GALNT1: variants seen among roughly 807,000 people sequenced by gnomAD.
GALNT1 encodes polypeptide N-acetylgalactosaminyltransferase 1, also known as GalNAc transferase 1.
GALNT1 carries 17 observed loss-of-function variants against 65.7 expected under a neutral mutation model. The observed-to-expected ratio is 0.26, with a 90% CI of 0.18 to 0.39. The LOEUF (loss-of-function observed/expected upper bound fraction) is 0.39, where lower values mean the gene tolerates loss of function less well. Ranked by LOEUF, GALNT1 falls within the 10% of genes least tolerant of loss-of-function variation. The pLI, the probability that GALNT1 is intolerant of heterozygous loss-of-function variation, is 1.00. For synonymous variants in GALNT1, 210 were observed against 219.7 expected (o/e 0.96, Z 0.39); for missense variants, 460 against 672.8 (o/e 0.68, Z 3.50).
At chr18:35,689,842 T>C (rs999627319) in intron 7 of GALNT1, among the ~76,000 whole-genome samples, 3 of 152,236 alleles carry the variant, frequency 2.0e-5, no homozygotes, top group African/African-American at 7.2e-5. Context: ...TTAAATGGCA[T>C]TGCATATTTT....
At chr18:35,652,217 G>A (rs1420167174) in intron 1 of GALNT1, among the ~76,000 whole-genome samples, 1 of 152,096 alleles carries the variant, frequency 6.6e-6, no homozygotes, top group African/African-American at 2.4e-5. Context: ...ATTCCCTTGC[G>A]GGGAACAGTA....
rs188343782 is a variant in GALNT1 at position 35,630,023 on chromosome 18, C to T, written c.-103-24537C>T. ...AAGAGCTATCTTAAATATATATGCACCCAATACAGGAGCAGCCAGATTCAT... is the reference window on the plus strand; with the variant it reads ...AAGAGCTATCTTAAATATATATGCATCCAATACAGGAGCAGCCAGATTCAT... On this transcript the variant is annotated intron_variant, in intron 1 of 11. Transcript: ENST00000269195. Among the ~76,000 whole-genome samples, 218 of 152,290 alleles carry T rather than the reference C, an allele frequency of 1.4e-3. 1 individual carries two copies. The highest frequency in any genetic ancestry group is 5.1e-3 in the African/African-American group (214 of 41,554).
At chr18:35,688,285 AC>A (rs2047900390) in intron 6 of GALNT1, among the ~76,000 whole-genome samples, 1 of 152,058 alleles carries the variant, frequency 6.6e-6, no homozygotes, top group South Asian at 2.1e-4. Flanking sequence ...ATAAGTCCAA[AC>A]CTTTTTTGGA....
At chr18:35,666,651 G>A (rs1228123991) in intron 3 of GALNT1, among the ~76,000 whole-genome samples, 1 of 152,068 alleles carries the variant, frequency 6.6e-6, no homozygotes, top group Non-Finnish European at 1.5e-5. Flanking sequence ...TTTTATTAAT[G>A]AGTGCCTTTT....
intron 3 of GALNT1, among the ~76,000 whole-genome samples, chr18:35,676,129 A>G (rs1181409456): frequency 6.6e-6 from 1 of 152,246 alleles, no homozygotes; most frequent in South Asian, 2.1e-4. Flanking sequence ...GGAGCTGCAG[A>G]CAGGGTGGCA....
chr18:35,648,931 T>A (rs1446183588), intron 1 of GALNT1, among the ~76,000 whole-genome samples: 1 of 152,240 alleles, frequency 6.6e-6, no homozygotes, highest in Non-Finnish European at 1.5e-5. Context: ...GATTTATTGC[T>A]GGTTGCTGGG....
intron 10 of GALNT1, 55 bp downstream of exon 10, chr18:35,703,050 G>A (rs372743264): frequency 4.6e-6 from 5 of 1,087,982 alleles, no homozygotes; most frequent in Admixed American, 2.6e-5. Context: ...TTTTTACTTT[G>A]CCTTTTTTTT....
chr18:35,648,137 AAGGG>A lies in GALNT1; in HGVS notation c.-103-6408_-103-6405del, dbSNP rs557618879. On this transcript the variant is annotated intron_variant, in intron 1 of 11. Transcript: ENST00000269195. ...GAAGGAAAGAGGGAGGGAAGGAAGG[AAGGG>A]AGGGAGGGAGGGAGAGAGGATTGGA... Among the ~76,000 whole-genome samples, 258 of 134,268 alleles carry A rather than the reference AAGGG, an allele frequency of 1.9e-3. 1 individual carries two copies. The highest frequency in any genetic ancestry group is 6.1e-3 in the African/African-American group (225 of 36,630). The allele number at this position is 134,268 out of a possible 152,430, so 88.1% of individuals were successfully genotyped here.
chr18:35,650,736 G>T (rs2047300667), intron 1 of GALNT1, among the ~76,000 whole-genome samples: 2 of 152,160 alleles, frequency 1.3e-5, no homozygotes, highest in South Asian at 4.1e-4. Flanking sequence ...CAGGCAGCCA[G>T]ACTTTAAGGT....
intron 1 of GALNT1, among the ~76,000 whole-genome samples, chr18:35,648,332 TA>T: frequency 6.6e-6 from 1 of 152,234 alleles, no homozygotes; most frequent in Non-Finnish European, 1.5e-5. Flanking sequence ...TTTGCACAAC[TA>T]TATGCTAATG....
intron 1 of GALNT1, among the ~76,000 whole-genome samples, chr18:35,632,119 A>G (rs183387832): frequency 1.6e-4 from 25 of 152,358 alleles, no homozygotes; most frequent in Admixed American, 1.6e-3. Context: ...AAATGGCCAT[A>G]CTGCCCAAAG....
intron 1 of GALNT1, among the ~76,000 whole-genome samples, chr18:35,639,404 C>G (rs1223394164): frequency 2.0e-5 from 3 of 152,134 alleles, no homozygotes; most frequent in African/African-American, 7.2e-5. Context: ...ATATACATTA[C>G]TTTTAAAGAC....
intron 1 of GALNT1, among the ~76,000 whole-genome samples, chr18:35,622,063 T>G (rs2144117057): frequency 6.6e-6 from 1 of 152,294 alleles, no homozygotes; most frequent in East Asian, 1.9e-4. Context: ...CCATGTAATT[T>G]TAGGATCTAC....
At chr18:35,614,668 G>A (rs2046760626) in intron 1 of GALNT1, among the ~76,000 whole-genome samples, 1 of 152,068 alleles carries the variant, frequency 6.6e-6, no homozygotes, top group African/African-American at 2.4e-5. Flanking sequence ...GTGAATATAA[G>A]TACCTTCATA....
intron 1 of GALNT1, among the ~76,000 whole-genome samples, chr18:35,602,377 C>T (rs568185655): frequency 6.6e-6 from 1 of 152,032 alleles, no homozygotes; most frequent in African/African-American, 2.4e-5. Flanking sequence ...TGATCTCTGA[C>T]CTTCCTGTAT....
At chr18:35,683,981 A>C (rs2047826776) in intron 5 of GALNT1, among the ~76,000 whole-genome samples, 1 of 152,234 alleles carries the variant, frequency 6.6e-6, no homozygotes, top group Non-Finnish European at 1.5e-5. Flanking sequence ...TAGTGCAGCA[A>C]GAAGTAGAAG....
At position 35,691,027 on chromosome 18, in the gene GALNT1, GGAACT is replaced by G; in HGVS notation, c.995_999del (p.Gly332ValfsTer31). On this transcript the variant is annotated frameshift_variant, in exon 8 of 12. Coordinates refer to ENST00000269195, the MANE Select transcript of GALNT1 (RefSeq NM_020474.4). LOFTEE classifies it high-confidence loss of function. Reference sequence around the variant, plus strand: ...CTGTTTTCAGATTTGGCAGTGTGGAGGAACTTTGGAAATTGTTACATGCTCACATG... The same window carrying G: ...CTGTTTTCAGATTTGGCAGTGTGGAGTTGGAAATTGTTACATGCTCACATG... The G allele has an allele frequency of 6.2e-7, 1 of 1,602,110 alleles. No homozygotes were observed. The highest frequency in any genetic ancestry group is 8.5e-7 in the Non-Finnish European group (1 of 1,175,444).
intron 1 of GALNT1, among the ~76,000 whole-genome samples, chr18:35,614,994 A>C (rs1233736371): frequency 1.3e-5 from 2 of 152,232 alleles, no homozygotes; most frequent in Admixed American, 6.5e-5. Context: ...TGTTCATAGA[A>C]AGAAGGTTTC....
At chr18:35,606,372 G>A (rs1358302058) in intron 1 of GALNT1, among the ~76,000 whole-genome samples, 1 of 152,204 alleles carries the variant, frequency 6.6e-6, no homozygotes, top group East Asian at 1.9e-4. Context: ...TCACAGTATT[G>A]TGAGAAATAG....
Sources: gnomAD v4.1 joint callset for allele counts (sites outside exome capture counted in the v4.1 genomes callset) on GRCh38, gnomAD v4.1.1 for gene constraint, MANE v1.5 for transcripts, NCBI Gene and HGNC (gene_info 2026-07-23, HGNC 2026-07-21) for gene names.